AIM2: variants seen among roughly 807,000 people sequenced by gnomAD.
The protein encoded by AIM2 is interferon-inducible protein AIM2.
In AIM2, 30 loss-of-function variants were observed where a neutral mutation model predicts 27.7. The ratio of observed to expected loss-of-function variants is 1.08; its 90% CI spans 0.81 to 1.47. The LOEUF (loss-of-function observed/expected upper bound fraction) is 1.47. Among genes scored for constraint, AIM2 ranks in the 40% most tolerant of loss-of-function variants. The pLI, the probability that AIM2 is intolerant of heterozygous loss-of-function variation, is 0.00. For missense variants in AIM2, 358 were observed against 411.3 expected (o/e 0.87, Z 1.12); for synonymous variants, 141 against 145.3 (o/e 0.97, Z 0.21).
chr1:159,105,413 G>C (rs536300343), intron 1 of AIM2, among the ~76,000 whole-genome samples: 12 of 152,316 alleles, frequency 7.9e-5, no homozygotes, highest in African/African-American at 1.4e-4. Flanking sequence ...TAGTGAGTGG[G>C]GGGGCATGTT....
intron 1 of AIM2, among the ~76,000 whole-genome samples, chr1:159,095,777 A>G (rs942376970): frequency 5.9e-5 from 9 of 152,224 alleles, no homozygotes; most frequent in African/African-American, 2.2e-4. Context: ...CATACATTGT[A>G]TATTATCAAG....
chr1:159,131,651 A>G (rs1647888315), intron 1 of AIM2, among the ~76,000 whole-genome samples: 1 of 152,312 alleles, frequency 6.6e-6, no homozygotes, highest in Non-Finnish European at 1.5e-5. Context: ...ATGAAGACAT[A>G]TTCATTTCAG....
chr1:159,062,858 G>A, intron 5 of AIM2, 140 bp from the exon 6 acceptor site: 1 of 796,342 alleles, frequency 1.3e-6, no homozygotes, highest in Non-Finnish European at 2.1e-6. Context: ...TAATACATTG[G>A]TCTGCCTTGG....
chr1:159,134,991 G>A (rs1391208523), intron 1 of AIM2, among the ~76,000 whole-genome samples: 1 of 152,162 alleles, frequency 6.6e-6, no homozygotes, highest in African/African-American at 2.4e-5. Context: ...CTTCCTGGGG[G>A]AAGCTGTCCT....
chr1:159,085,997 T>G (rs1257071545), intron 1 of AIM2, among the ~76,000 whole-genome samples: 1 of 152,246 alleles, frequency 6.6e-6, no homozygotes, highest in Non-Finnish European at 1.5e-5. Flanking sequence ...AACATCACGT[T>G]GTATACTGTA....
chr1:159,058,677 C>G (rs1343540294), downstream of AIM2, among the ~76,000 whole-genome samples: 1 of 152,144 alleles, frequency 6.6e-6, no homozygotes, highest in Non-Finnish European at 1.5e-5. Flanking sequence ...TGGTTTGCAA[C>G]TCACCCACCG....
At chr1:159,078,360 G>C (rs1265467299), upstream of AIM2, among the ~76,000 whole-genome samples, 1 of 152,222 alleles carries the variant, frequency 6.6e-6, no homozygotes, top group Non-Finnish European at 1.5e-5. Context: ...AATATTCGTT[G>C]AATGAGTGAA....
At chr1:159,109,837 C>A (rs780271737) in intron 1 of AIM2, among the ~76,000 whole-genome samples, 2 of 152,050 alleles carry the variant, frequency 1.3e-5, no homozygotes, top group African/African-American at 2.4e-5. Context: ...CAGGGAAATG[C>A]AAATCAAAAC....
At chr1:159,130,289 C>T (rs1204133310) in intron 1 of AIM2, among the ~76,000 whole-genome samples, 1 of 152,178 alleles carries the variant, frequency 6.6e-6, no homozygotes, top group Non-Finnish European at 1.5e-5. Context: ...ACTCCCAAGA[C>T]ATCAATTTAC....
At chr1:159,090,461 G>A (rs1278599987) in intron 1 of AIM2, among the ~76,000 whole-genome samples, 3 of 152,160 alleles carry the variant, frequency 2.0e-5, no homozygotes, top group African/African-American at 2.4e-5. Context: ...GCTAGAAAGC[G>A]TGTGACTGCT....
intron 1 of AIM2, among the ~76,000 whole-genome samples, chr1:159,125,430 C>T (rs1166603183): frequency 6.6e-6 from 1 of 152,154 alleles, no homozygotes; most frequent in Non-Finnish European, 1.5e-5. Context: ...TTTAAATAAA[C>T]ATTTATTGAG....
At chr1:159,075,607 T>C (rs1174420204) in intron 1 of AIM2, among the ~76,000 whole-genome samples, 2 of 149,730 alleles carry the variant, frequency 1.3e-5, no homozygotes, top group East Asian at 2.0e-4. Flanking sequence ...TATATATATA[T>C]ATATAGAGAG....
In AIM2 at chr1:159,120,673, A is replaced by G. The variant is rs79703163; in HGVS notation, c.-16+19758T>C. 2.1e-4 allele frequency among the ~76,000 whole-genome samples: 32 copies of G among 152,322 alleles called. No individual in the cohort carries two copies. The East Asian group carries it at 5.8e-3, about 28-fold the overall frequency. ...TCAATTGCAAGGAAAATAAGAATCA[A>G]TGGAGAAATGGAGAAGGAGAAGGAA... On this transcript the variant is annotated intron_variant, in intron 1 of 2. Transcript: ENST00000368129.
upstream of AIM2, chr1:159,081,475 A>G (rs903606857): frequency 5.9e-6 from 3 of 509,452 alleles, no homozygotes; most frequent in African/African-American, 5.9e-5. Context: ...CAATCTGGGA[A>G]ATGCTTCAGA....
chr1:159,058,250 A>G (rs995321336), downstream of AIM2, among the ~76,000 whole-genome samples: 57 of 151,826 alleles, frequency 3.8e-4, 1 homozygote, highest in African/African-American at 1.4e-3. Context: ...TTGGGAGGCT[A>G]AGGCAGGACA....
chr1:159,110,898 T>A (rs749572098), intron 1 of AIM2, among the ~76,000 whole-genome samples: 1 of 152,146 alleles, frequency 6.6e-6, no homozygotes, highest in Non-Finnish European at 1.5e-5. Context: ...AGAGAAGGGT[T>A]TGGGGTAGGG....
intron 2 of AIM2, among the ~76,000 whole-genome samples, chr1:159,069,270 G>T (rs151282584): frequency 7.2e-5 from 11 of 152,140 alleles, no homozygotes; most frequent in African/African-American, 2.6e-4. Context: ...TTAACATCCA[G>T]TAATACCATT....
chr1:159,063,518 G>A lies in AIM2; in HGVS notation c.973C>T (p.Gln325Ter), dbSNP rs1185253507. The A allele has an allele frequency of 9.3e-6, 15 of 1,613,892 alleles. No homozygotes were observed. The highest frequency in any genetic ancestry group is 1.3e-5 in the Non-Finnish European group (15 of 1,179,990). The change falls in exon 5 of 6, where the codon CAG (glutamine) becomes TAG (stop). Residue 325 changes from glutamine to a stop codon, truncating the protein, a stop_gained. Coordinates refer to ENST00000368130, the MANE Select transcript of AIM2 (RefSeq NM_004833.3). LOFTEE classifies it low-confidence loss of function (END_TRUNC). Reference protein sequence around the residue: ...FTLSKNGEKLQLTSGVHSTIK... With the variant: ...FTLSKNGEKL The stretch of plus-strand genomic sequence containing the variant: ...GTGCTATGAACTCCAGATGTCAGCT[G>A]TAGTTTTTCTCCATTTTTTGACAGT...
chr1:159,120,169 C>T (rs1194215646), intron 1 of AIM2, among the ~76,000 whole-genome samples: 4 of 151,810 alleles, frequency 2.6e-5, no homozygotes, highest in Non-Finnish European at 4.4e-5. Context: ...CTAGAATATA[C>T]GTAAAATAAT....
Sources: allele counts gnomAD v4.1 joint callset (sites outside exome capture counted in the v4.1 genomes callset), GRCh38; gene constraint gnomAD v4.1.1; transcripts MANE v1.5; gene names NCBI Gene and HGNC (gene_info 2026-07-23, HGNC 2026-07-21).